CDC25C: variants seen among roughly 807,000 people sequenced by gnomAD.
The protein encoded by CDC25C is M-phase inducer phosphatase 3.
A neutral mutation model predicts 52.5 loss-of-function variants in CDC25C; 48 were observed. The ratio of observed to expected loss-of-function variants is 0.91; its 90% CI spans 0.72 to 1.16. The LOEUF is 1.16. Ranked by LOEUF, CDC25C falls within the 50% of genes most tolerant of loss-of-function variation. The pLI is 0.00. For synonymous variants in CDC25C, 187 were observed against 206.5 expected (o/e 0.91, Z 0.81); for missense variants, 510 against 566.1 (o/e 0.90, Z 1.01).
upstream of CDC25C, chr5:138,333,360 C>G (rs1402872307): frequency 6.6e-6 from 1 of 152,172 alleles, no homozygotes; most frequent in Non-Finnish European, 1.5e-5. Flanking sequence ...TTGTCAGGAT[C>G]TTGGTGGTGG....
intron 7 of CDC25C, among the ~76,000 whole-genome samples, chr5:138,292,618 A>G (rs1385559599): frequency 6.6e-6 from 1 of 152,196 alleles, no homozygotes; most frequent in Non-Finnish European, 1.5e-5. Context: ...GCATCATGCA[A>G]GAAAAAAGGA....
At position 138,325,738 on chromosome 5, in the gene CDC25C, T is replaced by C. The variant is rs984730534; in HGVS notation, c.459+77A>G. On this transcript the variant is annotated intron_variant, in intron 6 of 13. Coordinates refer to ENST00000323760, the MANE Select transcript of CDC25C (RefSeq NM_001790.5). ...AGCATACGAGGTATAAACAGTTCTA[T>C]GTCTCATTATGATACCAAGTTTCTT... 24 of 956,182 alleles carry C rather than the reference T, an allele frequency of 2.5e-5. No homozygotes were observed. In the Admixed American group the frequency reaches 4.2e-4, roughly 17 times the overall value. 59.2% of individuals were successfully genotyped at this position (956,182 alleles called of 1,614,324 possible).
In CDC25C at chr5:138,287,162, GTC is replaced by G. The variant is rs773418452; in HGVS notation, c.1026+5_1026+6del. 1 of 1,599,096 alleles carries G rather than the reference GTC, an allele frequency of 6.3e-7. No individual in the cohort carries two copies. The highest frequency in any genetic ancestry group is 8.6e-7 in the Non-Finnish European group (1 of 1,166,780). Reference sequence around the variant, plus strand: ...CTCCCCTACTAATGGCCACAATGTCGTCTCACCTGGATGTGTCCTCCCAGATA... The same window carrying G: ...CTCCCCTACTAATGGCCACAATGTCGTCACCTGGATGTGTCCTCCCAGATA... On this transcript the variant is annotated splice_donor_5th_base_variant and intron_variant, in intron 11 of 13. Coordinates refer to ENST00000323760, the MANE Select transcript of CDC25C (RefSeq NM_001790.5).
chr5:138,306,888 T>C (rs1031582056), intron 7 of CDC25C, among the ~76,000 whole-genome samples: 1 of 151,534 alleles, frequency 6.6e-6, no homozygotes, highest in Non-Finnish European at 1.5e-5. Context: ...CTGTTGCCCA[T>C]GCTGGAGTGC....
At chr5:138,296,822 G>T (rs1757234063) in intron 7 of CDC25C, among the ~76,000 whole-genome samples, 1 of 150,636 alleles carries the variant, frequency 6.6e-6, no homozygotes, top group Admixed American at 6.6e-5. Flanking sequence ...AGCCAGGATG[G>T]TCTCAAACTC....
intron 7 of CDC25C, among the ~76,000 whole-genome samples, chr5:138,292,367 C>T (rs1290971849): frequency 6.6e-6 from 1 of 151,060 alleles, no homozygotes; most frequent in Non-Finnish European, 1.5e-5. Flanking sequence ...CATGATATTC[C>T]ATCTCCATGG....
upstream of CDC25C, chr5:138,335,474 T>C (rs1242959564): frequency 1.3e-5 from 2 of 152,150 alleles, no homozygotes; most frequent in Non-Finnish European, 2.9e-5. Flanking sequence ...GCCCTCAGAA[T>C]ATGGATGGAG....
At chr5:138,320,346 C>T (rs1012439228) in intron 6 of CDC25C, among the ~76,000 whole-genome samples, 3 of 151,884 alleles carry the variant, frequency 2.0e-5, no homozygotes, top group African/African-American at 4.8e-5. Flanking sequence ...AGCAAGGACT[C>T]AAGCAGATTT....
intron 8 of CDC25C, 29 bp downstream of exon 8, chr5:138,291,941 A>G: frequency 6.3e-7 from 1 of 1,586,020 alleles, no homozygotes; most frequent in Non-Finnish European, 8.6e-7. Flanking sequence ...TAGAAGATGA[A>G]CAAGATTTTC....
intron 1 of CDC25C, 109 bp downstream of exon 1, chr5:138,331,486 G>A: frequency 1.2e-6 from 1 of 844,904 alleles, no homozygotes; most frequent in Non-Finnish European, 1.6e-6. Context: ...CGTAACTCGC[G>A]ATAGTCCCCA....
At position 138,328,470 on chromosome 5, in the gene CDC25C, A is replaced by T. The variant is rs780573158; in HGVS notation, c.335+14T>A. On this transcript the variant is annotated intron_variant, in intron 4 of 13. Transcript: ENST00000323760. Reference sequence around the variant, plus strand: ...AAGGCTTTTGTGTGGGGTTCATTTAACAACAGAACTTACATCCCAGCTAAA... The same window carrying T: ...AAGGCTTTTGTGTGGGGTTCATTTATCAACAGAACTTACATCCCAGCTAAA... 1 of 1,612,544 alleles carries T rather than the reference A, an allele frequency of 6.2e-7. No individual in the cohort carries two copies. Among genetic ancestry groups the T allele is most frequent in the Non-Finnish European group, 8.5e-7 (1 of 1,178,702 alleles).
At position 138,319,294 on chromosome 5, in the gene CDC25C, T is replaced by C. The variant is rs773868005; in HGVS notation, c.540A>G (p.Pro180=). Residue 180 remains proline, a synonymous_variant, in exon 7 of 14, where the codon CCA becomes CCG. Coordinates refer to ENST00000323760, the MANE Select transcript of CDC25C (RefSeq NM_001790.5). ...ITTVPKLDKN[P]NLGEDQAEEI... ...CTTCTGCCTGGTCTTCTCCTAGGTTTGGATTTTTATCCAATTTTGGAACAG... is the reference window on the plus strand; with the variant it reads ...CTTCTGCCTGGTCTTCTCCTAGGTTCGGATTTTTATCCAATTTTGGAACAG... The C allele has an allele frequency of 1.2e-6, 2 of 1,613,502 alleles. No individual in the cohort carries two copies. Among genetic ancestry groups the C allele is most frequent in the Non-Finnish European group, 1.7e-6 (2 of 1,179,470 alleles).
At chr5:138,331,285 C>T in intron 1 of CDC25C, 67 bp from the exon 2 acceptor site, 1 of 1,090,500 alleles carries the variant, frequency 9.2e-7, no homozygotes, top group Non-Finnish European at 1.4e-6. Flanking sequence ...CTCCTCCACC[C>T]TTTCCAGCCA....
intron 7 of CDC25C, among the ~76,000 whole-genome samples, chr5:138,317,133 T>C (rs1252219133): frequency 6.6e-6 from 1 of 152,146 alleles, no homozygotes; most frequent in African/African-American, 2.4e-5. Context: ...TATGCACCTA[T>C]AGTCCTAGCT....
At chr5:138,288,060 T>C (rs1198403840) in intron 10 of CDC25C, among the ~76,000 whole-genome samples, 2 of 152,108 alleles carry the variant, frequency 1.3e-5, no homozygotes, top group African/African-American at 4.8e-5. Flanking sequence ...TGCAATACTA[T>C]ACGTTCATCA....
At chr5:138,297,677 C>T (rs1754816233) in intron 7 of CDC25C, among the ~76,000 whole-genome samples, 2 of 152,164 alleles carry the variant, frequency 1.3e-5, no homozygotes, top group South Asian at 2.1e-4. Context: ...AAGCTTGATA[C>T]GTTTTGAGTA....
At chr5:138,297,141 G>A (rs866763387) in intron 7 of CDC25C, among the ~76,000 whole-genome samples, 34 of 151,330 alleles carry the variant, frequency 2.2e-4, no homozygotes, top group African/African-American at 5.6e-4. Context: ...TTGATCTCCC[G>A]ACCTCGTGAT....
chr5:138,327,219 C>T (rs1196306573), intron 4 of CDC25C, among the ~76,000 whole-genome samples: 1 of 150,760 alleles, frequency 6.6e-6, no homozygotes, highest in Middle Eastern at 3.2e-3. Flanking sequence ...CGCACCACTG[C>T]ACTCCATCCT....
At chr5:138,292,480 C>CAAAAA (rs70982703) in intron 7 of CDC25C, among the ~76,000 whole-genome samples, 8 of 63,506 alleles carry the variant, frequency 1.3e-4, no homozygotes, top group East Asian at 4.7e-4. Flanking sequence ...GTTATGTGAC[C>CAAAAA]AAAAAAAAAA....
Sources: gnomAD v4.1 joint callset for allele counts (sites outside exome capture counted in the v4.1 genomes callset) on GRCh38, gnomAD v4.1.1 for gene constraint, MANE v1.5 for transcripts, NCBI Gene and HGNC (gene_info 2026-07-23, HGNC 2026-07-21) for gene names.